The following PPIL2 variants were observed in gnomAD, a reference collection of about 807,000 sequenced individuals.
PPIL2 encodes RING-type E3 ubiquitin-protein ligase PPIL2.
Under a neutral mutation model 75.2 loss-of-function variants are expected in PPIL2, and 50 were observed. The observed-to-expected ratio is 0.66, with a 90% CI of 0.53 to 0.84. PPIL2 has a LOEUF of 0.84. PPIL2 is among the 40% of genes least tolerant of loss of function. The probability of loss-of-function intolerance (pLI) is 0.00; values close to 1 mark genes in which losing one functional copy is unlikely to be tolerated. For missense variants in PPIL2, 590 were observed against 685.0 expected (o/e 0.86, Z 1.55); for synonymous variants, 245 against 258.8 (o/e 0.95, Z 0.51).
In PPIL2 at chr22:21,668,957, C is replaced by T. The variant is rs554902552; in HGVS notation, c.33-956C>T. Among the ~76,000 whole-genome samples, 93 of 151,674 alleles carry T rather than the reference C, an allele frequency of 6.1e-4. No individual in the cohort carries two copies. In the South Asian group the frequency reaches 0.019, roughly 31 times the overall value. Reference sequence around the variant, plus strand: ...CCATCTCCTGACCTGGTGATCCGCCCGCCTCGGCCTCCCAAAATGCTGGGA... The same window carrying T: ...CCATCTCCTGACCTGGTGATCCGCCTGCCTCGGCCTCCCAAAATGCTGGGA... On this transcript the variant is annotated intron_variant, in intron 1 of 19. Coordinates refer to ENST00000398831, the MANE Select transcript of PPIL2 (RefSeq NM_014337.4).
intron 1 of PPIL2, among the ~76,000 whole-genome samples, chr22:21,669,140 T>C (rs527466907): frequency 1.5e-4 from 23 of 151,934 alleles, no homozygotes; most frequent in East Asian, 9.7e-4. Context: ...TGAGCCACCT[T>C]GCCCGGCCGG....
chr22:21,686,908 T>C lies in PPIL2; in HGVS notation c.807T>C (p.Asp269=), dbSNP rs2067389705. The change falls in exon 12 of 20, where the codon GAT becomes GAC. Residue 269 remains aspartate, a synonymous_variant. Coordinates refer to ENST00000398831, the MANE Select transcript of PPIL2 (RefSeq NM_014337.4). ...TTHEAAAIDE[D]VLRYQFVKKK... ...GGCTTGTAGCTGCCATCGACGAGGA[T>C]GTGCTGCGCTACCAGTTTGTGAAGA... The C allele has an allele frequency of 3.1e-6, 5 of 1,614,078 alleles. No individual in the cohort carries two copies. The highest frequency in any genetic ancestry group is 3.4e-6 in the Non-Finnish European group (4 of 1,180,020).
At chr22:21,692,634 G>A (rs1243040306) in intron 15 of PPIL2, among the ~76,000 whole-genome samples, 1 of 151,626 alleles carries the variant, frequency 6.6e-6, no homozygotes, top group East Asian at 2.0e-4. Context: ...TCTATTTAAA[G>A]TCCAAAGTTG....
intron 8 of PPIL2, 81 bp from the exon 9 acceptor site, chr22:21,683,101 G>A: frequency 8.2e-7 from 1 of 1,220,244 alleles, no homozygotes; most frequent in Non-Finnish European, 1.2e-6. Context: ...ACCTCTGACA[G>A]CTGGCCGTCC....
intron 6 of PPIL2, among the ~76,000 whole-genome samples, chr22:21,679,981 T>C (rs1187693976): frequency 6.6e-6 from 1 of 151,502 alleles, no homozygotes; most frequent in Non-Finnish European, 1.5e-5. Context: ...TCCCAGCTAC[T>C]CAGGAGGCTG....
intron 15 of PPIL2, among the ~76,000 whole-genome samples, chr22:21,689,864 G>A (rs1033208772): frequency 2.0e-5 from 3 of 152,276 alleles, no homozygotes; most frequent in Middle Eastern, 3.4e-3. Flanking sequence ...TGGTCCTCCC[G>A]GGATTTGTGG....
chr22:21,683,884 T>C (rs1169898025), intron 9 of PPIL2, among the ~76,000 whole-genome samples: 4 of 152,208 alleles, frequency 2.6e-5, no homozygotes, highest in Admixed American at 6.5e-5. Flanking sequence ...ACACTTCTAT[T>C]ATTTTAAATA....
intron 19 of PPIL2, 73 bp downstream of exon 19, chr22:21,695,143 C>A (rs1405757872): frequency 6.8e-7 from 1 of 1,478,344 alleles, no homozygotes; most frequent in Non-Finnish European, 8.9e-7. Context: ...GAGGGTCAGA[C>A]CCAGAGGGGC....
At chr22:21,689,675 G>A (rs774336805) in intron 15 of PPIL2, among the ~76,000 whole-genome samples, 1 of 152,154 alleles carries the variant, frequency 6.6e-6, no homozygotes. Context: ...CATCAGTCAC[G>A]TCACCGTCAC....
chr22:21,670,598 T>C lies in PPIL2; in HGVS notation c.115T>C (p.Phe39Leu), dbSNP rs73382365. 6.0e-4 allele frequency: 969 copies of C among 1,611,410 alleles called. 6 individuals are homozygous for C. The African/African-American group carries it at 0.011, about 19-fold the overall frequency. Reference sequence around the variant, plus strand: ...ACAAACAAATTTTCGTCGTTTACCTTTTGACCACTGCAGGTAAGAGTTTTG... The same window carrying C: ...ACAAACAAATTTTCGTCGTTTACCTCTTGACCACTGCAGGTAAGAGTTTTG... The part of the protein sequence containing the change: ...LPQTNFRRLP[F>L]DHCSLSLQPF... Residue 39 changes from phenylalanine to leucine, a missense_variant, in exon 3 of 20, where the codon TTT becomes CTT. Physicochemically the swap from Phe to Leu is conservative, Grantham distance 22 (BLOSUM62 0). Coordinates refer to ENST00000398831, the MANE Select transcript of PPIL2 (RefSeq NM_014337.4).
At chr22:21,666,538 C>A (rs2066388178) in intron 1 of PPIL2, among the ~76,000 whole-genome samples, 1 of 152,172 alleles carries the variant, frequency 6.6e-6, no homozygotes, top group South Asian at 2.1e-4. Flanking sequence ...AGGTCGGGCG[C>A]AGTGGCTCAC....
chr22:21,669,799 C>T, intron 1 of PPIL2, 114 bp from the exon 2 acceptor site: 2 of 1,143,196 alleles, frequency 1.7e-6, no homozygotes, highest in Non-Finnish European at 2.6e-6. Context: ...CGTGCCCGCC[C>T]CATAGTAGGT....
chr22:21,697,471 G>A lies in PPIL2; in HGVS notation c.*1981G>A, dbSNP rs2148588387. ...CCAAGACAGCCCTCTGCTCTCAGCG[G>A]CGCCACAGAGAGCCTGGGCTCAGCC... On this transcript the variant is annotated 3_prime_UTR_variant, in exon 20 of 20. Transcript: ENST00000398831. The A allele has an allele frequency of 6.2e-6, 1 of 160,920 alleles. No individual in the cohort carries two copies. The allele number at this position is 160,920 out of a possible 1,614,324, so 10.0% of individuals were successfully genotyped here. A position where few individuals can be genotyped will look rare whatever the true frequency, so the allele number is the denominator to read the frequency against.
At position 21,697,256 on chromosome 22, in the gene PPIL2, C is replaced by T; in HGVS notation, c.*1766C>T. ...GGCCTCTGAGCCAGCGTCCAGGGTA[C>T]AGGTGCGGGTGGTGGGGATGAAGGC... On this transcript the variant is annotated 3_prime_UTR_variant, in exon 20 of 20. Coordinates refer to ENST00000398831, the MANE Select transcript of PPIL2 (RefSeq NM_014337.4). The T allele has an allele frequency of 2.1e-6, 1 of 483,880 alleles. No homozygotes were observed. The allele number at this position is 483,880 out of a possible 1,614,324, so 30.0% of individuals were successfully genotyped here. A position where few individuals can be genotyped will look rare whatever the true frequency, so the allele number is the denominator to read the frequency against.
chr22:21,675,205 C>T, intron 6 of PPIL2, 90 bp downstream of exon 6: 2 of 1,247,412 alleles, frequency 1.6e-6, no homozygotes, highest in Non-Finnish European at 2.3e-6. Flanking sequence ...TCAGTCATTG[C>T]TTTCTGACCA....
chr22:21,670,290 T>C (rs1164339005), intron 2 of PPIL2: 1 of 1,447,444 alleles, frequency 6.9e-7, no homozygotes, highest in Non-Finnish European at 9.2e-7. Context: ...AGAATGATAA[T>C]ATTTTCAGCT....
rs777465967 is a variant in PPIL2, at chr22:21,682,543, T to TCC, written c.477+17_477+18insCC. 3 of 1,606,078 alleles carry TCC rather than the reference T, an allele frequency of 1.9e-6. No individual in the cohort carries two copies. The Admixed American group carries it at 5.0e-5, about 27-fold the overall frequency. ...ACCCTCCAGGTGAGTGTCCCCTGCCTGCCTGCCCCAGCTGCCTTCAGCACC... is the reference window on the plus strand; with the variant it reads ...ACCCTCCAGGTGAGTGTCCCCTGCCTCCGCCTGCCCCAGCTGCCTTCAGCACC... On this transcript the variant is annotated intron_variant, in intron 8 of 19. Transcript: ENST00000398831.
chr22:21,688,938 C>G, intron 15 of PPIL2, 89 bp downstream of exon 15: 1 of 1,254,342 alleles, frequency 8.0e-7, no homozygotes, highest in Admixed American at 1.8e-5. Flanking sequence ...GAAGGGTGTG[C>G]TGGTTCTGAA....
At chr22:21,693,328 G>A (rs996733456) in intron 15 of PPIL2, among the ~76,000 whole-genome samples, 16 of 152,214 alleles carry the variant, frequency 1.1e-4, no homozygotes, top group Non-Finnish European at 7.3e-5. Flanking sequence ...GATTACAGGC[G>A]TGAGCCACTG....
Sources: gnomAD v4.1 joint callset for allele counts (sites outside exome capture counted in the v4.1 genomes callset) on GRCh38, gnomAD v4.1.1 for gene constraint, MANE v1.5 for transcripts, NCBI Gene and HGNC (gene_info 2026-07-23, HGNC 2026-07-21) for gene names.